The following CXADR variants were observed in gnomAD, a reference collection of about 807,000 sequenced individuals.
CXADR encodes the protein coxsackievirus and adenovirus receptor.
A neutral mutation model predicts 40.3 loss-of-function variants in CXADR; 20 were observed. The observed-to-expected ratio is 0.50, with a 90% CI of 0.35 to 0.72. The LOEUF (loss-of-function observed/expected upper bound fraction) is 0.72, where lower values mean the gene tolerates loss of function less well. Among genes scored for constraint, CXADR ranks in the 30% least tolerant of loss-of-function variants. The pLI, the probability that CXADR is intolerant of heterozygous loss-of-function variation, is 0.01. For missense variants in CXADR, 332 were observed against 449.1 expected, an observed-to-expected ratio of 0.74 and a Z score of 2.36; for synonymous variants, 150 against 161.3, an observed-to-expected ratio of 0.93 and a Z score of 0.53.
At chr21:17,514,458 G>T (rs2060433016) in intron 1 of CXADR, among the ~76,000 whole-genome samples, 1 of 151,760 alleles carries the variant, frequency 6.6e-6, no homozygotes, top group Admixed American at 6.6e-5. Flanking sequence ...AAGATGAAGG[G>T]TCATAGAACC....
At chr21:17,584,255 G>A (rs568501188) in intron 7 of CXADR, among the ~76,000 whole-genome samples, 4 of 152,316 alleles carry the variant, frequency 2.6e-5, no homozygotes, top group African/African-American at 7.2e-5. Flanking sequence ...TCCATGTAAA[G>A]CACCTAGTCC....
the CXADR span, among the ~76,000 whole-genome samples, chr21:17,605,773 G>A: frequency 6.6e-6 from 1 of 152,082 alleles, no homozygotes; most frequent in Non-Finnish European, 1.5e-5. Flanking sequence ...TGATTAAGTA[G>A]GGAAATAGGG....
intron 1 of CXADR, among the ~76,000 whole-genome samples, chr21:17,530,132 T>TTTTTTTTC (rs1555863321): frequency 7.0e-6 from 1 of 143,502 alleles, no homozygotes; most frequent in Non-Finnish European, 1.5e-5. Context: ...TTTTTTTTTT[T>TTTTTTTTC]GTATTTTTTA....
intron 1 of CXADR, among the ~76,000 whole-genome samples, chr21:17,520,877 G>T (rs954478416): frequency 1.3e-5 from 2 of 152,184 alleles, no homozygotes. Flanking sequence ...AAAGGAGCAG[G>T]TTTTAGGGAG....
rs554081730 is a variant in CXADR, at chr21:17,517,336, G to A, written c.43+4164G>A. On this transcript the variant is annotated intron_variant, in intron 1 of 6. Coordinates refer to ENST00000284878, the MANE Select transcript of CXADR (RefSeq NM_001338.5). ...GTGTTTTACCAGTGCTCCCCCCAAA[G>A]CATTATTCTAAGCATGCAGGAGGGT... is the stretch of plus-strand genomic sequence containing the variant. 3.3e-5 allele frequency among the ~76,000 whole-genome samples: 5 copies of A among 152,232 alleles called. No homozygotes were observed. In the East Asian group the frequency reaches 7.7e-4, roughly 24 times the overall value.
downstream of CXADR, among the ~76,000 whole-genome samples, chr21:17,598,074 G>A (rs1003834048): frequency 2.0e-5 from 3 of 152,084 alleles, no homozygotes; most frequent in African/African-American, 4.8e-5. Flanking sequence ...TCGATTAAAT[G>A]TTCTTTGGTA....
At chr21:17,550,882 G>A (rs2060958725) in intron 2 of CXADR, among the ~76,000 whole-genome samples, 2 of 152,078 alleles carry the variant, frequency 1.3e-5, no homozygotes, top group African/African-American at 4.8e-5. Context: ...TGTTAACCTG[G>A]GTACACATAT....
chr21:17,536,550 G>GCTC (rs1486180898), intron 1 of CXADR, among the ~76,000 whole-genome samples: 1 of 152,046 alleles, frequency 6.6e-6, no homozygotes, highest in African/African-American at 2.4e-5. Flanking sequence ...CTTGTCCAAG[G>GCTC]CTGGAAGGGA....
chr21:17,539,246 C>G (rs1455934987), intron 1 of CXADR, among the ~76,000 whole-genome samples: 1 of 152,158 alleles, frequency 6.6e-6, no homozygotes, highest in East Asian at 1.9e-4. Context: ...CCACTGGTCC[C>G]CCTGCCTCCA....
the CXADR span, among the ~76,000 whole-genome samples, chr21:17,635,713 A>G: frequency 6.6e-6 from 1 of 152,222 alleles, no homozygotes; most frequent in Non-Finnish European, 1.5e-5. Context: ...AAAACCACAC[A>G]CACACAAAAT....
At chr21:17,581,697 T>C (rs920833772) in intron 7 of CXADR, among the ~76,000 whole-genome samples, 3 of 151,880 alleles carry the variant, frequency 2.0e-5, no homozygotes, top group Middle Eastern at 3.4e-3. Context: ...AATAAAAAAT[T>C]AGCTGGATGT....
intron 6 of CXADR, among the ~76,000 whole-genome samples, chr21:17,563,798 G>A (rs946807888): frequency 2.6e-5 from 4 of 151,132 alleles, no homozygotes; most frequent in Admixed American, 1.3e-4. Context: ...AAAATTAGCC[G>A]GGTGCAGTGG....
chr21:17,606,055 G>A, the CXADR span, among the ~76,000 whole-genome samples: 2 of 151,996 alleles, frequency 1.3e-5, no homozygotes, highest in African/African-American at 4.8e-5. Flanking sequence ...AAATGAAAAA[G>A]TTCTCAACAG....
the CXADR span, among the ~76,000 whole-genome samples, chr21:17,627,753 G>A: frequency 2.0e-5 from 3 of 152,198 alleles, no homozygotes; most frequent in Non-Finnish European, 4.4e-5. Flanking sequence ...GTTGCTACTC[G>A]GAAAGATGAG....
the CXADR span, chr21:17,608,850 C>T: frequency 3.1e-6 from 3 of 953,950 alleles, no homozygotes; most frequent in Non-Finnish European, 4.5e-6. Context: ...ACAAACACCC[C>T]AGAGTTCTAT....
At chr21:17,618,240 C>A in the CXADR span, among the ~76,000 whole-genome samples, 1 of 152,168 alleles carries the variant, frequency 6.6e-6, no homozygotes, top group African/African-American at 2.4e-5. Flanking sequence ...AGCAATTCAG[C>A]CACATCTTCA....
intron 7 of CXADR, among the ~76,000 whole-genome samples, chr21:17,587,638 C>A (rs1747744040): frequency 6.6e-6 from 1 of 151,948 alleles, no homozygotes; most frequent in African/African-American, 2.4e-5. Context: ...GGATATTAGC[C>A]CTTTGTCAGG....
Position 17,558,956 on chromosome 21 carries a change from T to C in CXADR, c.416-20T>C, listed in dbSNP as rs1181851941. On this transcript the variant is annotated intron_variant, in intron 3 of 6. Transcript: ENST00000284878. Reference sequence around the variant, plus strand: ...AGTTCCATTCTCTTATGTAAATTTATAATTTGTTTTCTCTTTCAGTTAAGC... The same window carrying C: ...AGTTCCATTCTCTTATGTAAATTTACAATTTGTTTTCTCTTTCAGTTAAGC... 6.3e-7 allele frequency: 1 copy of C among 1,595,622 alleles called. No homozygotes were observed. The highest frequency in any genetic ancestry group is 8.5e-7 in the Non-Finnish European group (1 of 1,171,538).
chr21:17,519,976 T>TACACAC (rs71966376), intron 1 of CXADR, among the ~76,000 whole-genome samples: 16 of 150,134 alleles, frequency 1.1e-4, no homozygotes, highest in African/African-American at 3.9e-4. Flanking sequence ...ATTATATGTA[T>TACACAC]ACACACACAC....
Sources: allele counts gnomAD v4.1 joint callset (sites outside exome capture counted in the v4.1 genomes callset), GRCh38; gene constraint gnomAD v4.1.1; transcripts MANE v1.5; gene names NCBI Gene and HGNC (gene_info 2026-07-23, HGNC 2026-07-21).